The following UXS1 variants were observed in gnomAD, a reference collection of about 807,000 sequenced individuals.
The protein encoded by UXS1 is UDP-glucuronic acid decarboxylase 1.
UXS1 carries 33 observed loss-of-function variants against 62.6 expected under a neutral mutation model. The observed-to-expected ratio is 0.53, with a 90% CI of 0.40 to 0.70. The LOEUF is 0.70. Ranked by LOEUF, UXS1 falls within the 30% of genes least tolerant of loss-of-function variation. The pLI, the probability that UXS1 is intolerant of heterozygous loss-of-function variation, is 0.00. For synonymous variants in UXS1, 213 were observed against 206.8 expected (o/e 1.03, Z -0.26); for missense variants, 434 against 556.3 (o/e 0.78, Z 2.21).
At chr2:106,163,587 G>T (rs1006095198) in intron 4 of UXS1, 80 bp downstream of exon 4, 8 of 902,682 alleles carry the variant, frequency 8.9e-6, no homozygotes, top group African/African-American at 7.8e-5. Flanking sequence ...GGCAGAGTTT[G>T]GAGCAAACAA....
chr2:106,166,315 C>T (rs1233633679), intron 1 of UXS1: 3 of 451,498 alleles, frequency 6.6e-6, no homozygotes, highest in Non-Finnish European at 1.2e-5. Flanking sequence ...AACCCAGGAA[C>T]ATCAATTCAA....
intron 6 of UXS1, among the ~76,000 whole-genome samples, chr2:106,131,131 A>G (rs549958249): frequency 6.7e-6 from 1 of 148,448 alleles, no homozygotes; most frequent in Non-Finnish European, 1.5e-5. Flanking sequence ...TTCCGAGTCA[A>G]AGAAAGGGGT....
chr2:106,099,542 T>C (rs13383417), intron 12 of UXS1, among the ~76,000 whole-genome samples: 113,417 of 151,992 alleles, frequency 0.75, 42,615 homozygotes, highest in South Asian at 0.78. Flanking sequence ...CGAAGTGGAG[T>C]GACGGAAATT....
intron 1 of UXS1, among the ~76,000 whole-genome samples, chr2:106,169,187 T>C (rs1683389047): frequency 6.6e-6 from 1 of 152,190 alleles, no homozygotes; most frequent in Admixed American, 6.5e-5. Flanking sequence ...ATGTGCGCTT[T>C]TCTTTACTGT....
chr2:106,150,257 C>T (rs181885176), intron 5 of UXS1, among the ~76,000 whole-genome samples: 16 of 152,218 alleles, frequency 1.1e-4, no homozygotes, highest in Admixed American at 9.8e-4. Flanking sequence ...TTTTTTAAGT[C>T]CCCAGCCTTA....
intron 7 of UXS1, among the ~76,000 whole-genome samples, chr2:106,129,362 G>A (rs1482249356): frequency 3.9e-5 from 6 of 152,152 alleles, no homozygotes; most frequent in Non-Finnish European, 8.8e-5. Context: ...GGAGGGGAGG[G>A]GGGCAGGCTG....
chr2:106,153,993 C>G (rs973864880), intron 5 of UXS1, among the ~76,000 whole-genome samples: 9 of 152,092 alleles, frequency 5.9e-5, no homozygotes, highest in African/African-American at 2.2e-4. Context: ...AAAGAATCAG[C>G]AAACTTGGAC....
At chr2:106,109,097 T>C (rs1406999799) in intron 10 of UXS1, among the ~76,000 whole-genome samples, 1 of 152,022 alleles carries the variant, frequency 6.6e-6, no homozygotes, top group African/African-American at 2.4e-5. Flanking sequence ...TTAATAATTT[T>C]CCATCCACTC....
At chr2:106,183,281 T>C (rs1293483266) in intron 1 of UXS1, 1 of 148,760 alleles carries the variant, frequency 6.7e-6, no homozygotes, top group Non-Finnish European at 1.5e-5. Flanking sequence ...CCCCAGTATA[T>C]ATGTCAACCA....
Position 106,093,792 on chromosome 2 carries a change from C to T in UXS1, c.*234G>A, listed in dbSNP as rs1676853059. 4.4e-6 allele frequency: 2 copies of T among 454,920 alleles called. No individual in the cohort carries two copies. The highest frequency in any genetic ancestry group is 2.0e-5 in the African/African-American group (1 of 49,092). 28.2% of individuals were successfully genotyped at this position (454,920 alleles called of 1,614,324 possible). A position where few individuals can be genotyped will look rare whatever the true frequency, so the allele number is the denominator to read the frequency against. On this transcript the variant is annotated 3_prime_UTR_variant, in exon 15 of 15. Coordinates refer to ENST00000283148, the MANE Select transcript of UXS1 (RefSeq NM_001253875.2). ...AAAAACTTGAAAATACGCAGAGATG[C>T]ATCTACGCTATTTTACATAAAAAGA...
intron 9 of UXS1, among the ~76,000 whole-genome samples, 193 bp from the exon 10 acceptor site, chr2:106,112,958 C>A (rs994612931): frequency 6.6e-6 from 1 of 152,136 alleles, no homozygotes; most frequent in African/African-American, 2.4e-5. Context: ...CAGGGCTATA[C>A]CAAAGAGAGT....
intron 13 of UXS1, chr2:106,097,024 C>G (rs17032319): frequency 0.053 from 36,067 of 686,088 alleles, 1,138 homozygotes; most frequent in Middle Eastern, 0.077. Flanking sequence ...ACTGCTGTGG[C>G]CAAGCTGACT....
At chr2:106,145,891 AAGCAATAC>A (rs1425257267) in intron 5 of UXS1, among the ~76,000 whole-genome samples, 1 of 152,252 alleles carries the variant, frequency 6.6e-6, no homozygotes, top group African/African-American at 2.4e-5. Flanking sequence ...ACAAATTAAT[AAGCAATAC>A]ATGCTGTTTG....
rs1198695823 is a variant in UXS1, at chr2:106,142,632, TGGCATTGTTGGATGAAGTG to T, written c.472+2539_472+2557del. 2.0e-5 allele frequency among the ~76,000 whole-genome samples: 3 copies of T among 152,202 alleles called. No homozygotes were observed. The South Asian group carries it at 6.2e-4, about 31-fold the overall frequency. On this transcript the variant is annotated intron_variant, in intron 6 of 14. Coordinates refer to ENST00000283148, the MANE Select transcript of UXS1 (RefSeq NM_001253875.2). ...GTGGGCTTCAAAGGAAGGTGCATTC[TGGCATTGTTGGATGAAGTG>T]GGCATTGTGAGGGCAGAAAGAGTGA...
rs1250741714 is a variant in UXS1, at chr2:106,145,358, C to A, written c.304G>T (p.Ala102Ser). The A allele has an allele frequency of 1.9e-6, 3 of 1,612,678 alleles. No homozygotes were observed. Among genetic ancestry groups the A allele is most frequent in the African/African-American group, 1.3e-5 (1 of 74,882 alleles). The change falls in exon 6 of 15, where the codon GCA becomes TCA. Residue 102 changes from alanine (A) to serine (S), a missense_variant. Physicochemically the swap from Ala to Ser is moderately conservative, Grantham distance 99. Coordinates refer to ENST00000283148, the MANE Select transcript of UXS1 (RefSeq NM_001253875.2). ...DRKRILITGG[A>S]GFVGSHLTDK... ...GTTAGATGGGAGCCCACGAACCCTGCGCCTCCTGTTATCTGCATCCGGACA... is the reference window on the plus strand; with the variant it reads ...GTTAGATGGGAGCCCACGAACCCTGAGCCTCCTGTTATCTGCATCCGGACA...
At chr2:106,158,005 GA>G in intron 5 of UXS1, 52 bp downstream of exon 5, 2 of 1,439,892 alleles carry the variant, frequency 1.4e-6, no homozygotes, top group South Asian at 1.3e-5. Flanking sequence ...ATCTCTCAAC[GA>G]AAAAAGAAAG....
At chr2:106,098,913 G>A (rs536461984) in intron 12 of UXS1, 140 bp from the exon 13 acceptor site, 2 of 714,634 alleles carry the variant, frequency 2.8e-6, no homozygotes, top group East Asian at 2.7e-5. Flanking sequence ...CCGTGTGCCA[G>A]AGGGTACTCC....
At chr2:106,153,055 C>G (rs1178736580) in intron 5 of UXS1, among the ~76,000 whole-genome samples, 3 of 152,124 alleles carry the variant, frequency 2.0e-5, no homozygotes, top group Non-Finnish European at 4.4e-5. Flanking sequence ...TAAGGGTGCT[C>G]TCAAGAACAA....
chr2:106,098,895 G>A, intron 12 of UXS1, 122 bp from the exon 13 acceptor site: 2 of 796,460 alleles, frequency 2.5e-6, no homozygotes, highest in South Asian at 1.6e-5. Flanking sequence ...CGCTGCTTCA[G>A]CAGAGCTCCG....
Sources: allele counts gnomAD v4.1 joint callset (sites outside exome capture counted in the v4.1 genomes callset), GRCh38; gene constraint gnomAD v4.1.1; transcripts MANE v1.5; gene names NCBI Gene and HGNC (gene_info 2026-07-23, HGNC 2026-07-21).